Variants in SCN8A observed in about 807,000 individuals in gnomAD.
SCN8A encodes sodium voltage-gated channel alpha subunit 8.
In SCN8A, 30 loss-of-function variants were observed where a neutral mutation model predicts 184.1. The observed-to-expected ratio is 0.16, with a 90% CI of 0.12 to 0.22. The LOEUF (loss-of-function observed/expected upper bound fraction) is 0.22, where lower values mean the gene tolerates loss of function less well. Ranked by LOEUF, SCN8A falls within the 10% of genes least tolerant of loss-of-function variation. The probability of loss-of-function intolerance (pLI) is 1.00; values close to 1 mark genes in which losing one functional copy is unlikely to be tolerated. For missense variants in SCN8A, 1,057 were observed against 2,498.9 expected, an observed-to-expected ratio of 0.42 and a Z score of 12.30; for synonymous variants, 852 against 907.0, an observed-to-expected ratio of 0.94 and a Z score of 1.09.
intron 12 of SCN8A, among the ~76,000 whole-genome samples, chr12:51,725,100 G>A (rs1942135593): frequency 6.6e-6 from 1 of 152,210 alleles, no homozygotes; most frequent in Non-Finnish European, 1.5e-5. Context: ...GGTCACAGTG[G>A]CAGGAAGATG....
chr12:51,612,671 G>T (rs1939747179), intron 1 of SCN8A, among the ~76,000 whole-genome samples: 1 of 152,030 alleles, frequency 6.6e-6, no homozygotes. Context: ...TGCATTTCTG[G>T]GGTAAATGCC....
At chr12:51,743,108 C>T (rs1435459044) in intron 12 of SCN8A, among the ~76,000 whole-genome samples, 5 of 152,038 alleles carry the variant, frequency 3.3e-5, no homozygotes, top group Admixed American at 2.0e-4. Flanking sequence ...TGCTGAATTC[C>T]TTCTCTGTGT....
chr12:51,728,191 T>C (rs1333516645), intron 12 of SCN8A, among the ~76,000 whole-genome samples: 1 of 152,174 alleles, frequency 6.6e-6, no homozygotes, highest in African/African-American at 2.4e-5. Context: ...CTGGTGAATA[T>C]ATGTTTGCCC....
At chr12:51,622,342 C>A (rs553002926) in intron 1 of SCN8A, among the ~76,000 whole-genome samples, 2 of 152,304 alleles carry the variant, frequency 1.3e-5, no homozygotes, top group African/African-American at 4.8e-5. Context: ...TTGGATTTTA[C>A]CACTTTTCAC....
At chr12:51,593,964 G>A (rs1156916795) in intron 1 of SCN8A, among the ~76,000 whole-genome samples, 1 of 152,188 alleles carries the variant, frequency 6.6e-6, no homozygotes, top group Non-Finnish European at 1.5e-5. Context: ...GAAGTAATCC[G>A]ATAGCTGGCT....
At position 51,740,249 on chromosome 12, in the gene SCN8A, A is replaced by G. The variant is rs572881910; in HGVS notation, c.1999-5654A>G. Among the ~76,000 whole-genome samples the G allele has an allele frequency of 3.3e-5, 5 of 152,340 alleles. No homozygotes were observed. In the East Asian group the frequency reaches 9.7e-4, roughly 29 times the overall value. ...AGTTTTGGGGCCAGTTTATGGCCAG[A>G]TTTTGGGGGGCTTGCTCCCAACAAG... On this transcript the variant is annotated intron_variant, in intron 12 of 26. Transcript: ENST00000627620.
intron 6 of SCN8A, among the ~76,000 whole-genome samples, chr12:51,691,502 G>A (rs921482148): frequency 2.0e-5 from 3 of 151,928 alleles, no homozygotes; most frequent in African/African-American, 7.3e-5. Context: ...CCATAGTAGT[G>A]CTCCATAAAT....
At chr12:51,663,572 C>T (rs1423232060) in intron 2 of SCN8A, among the ~76,000 whole-genome samples, 1 of 152,138 alleles carries the variant, frequency 6.6e-6, no homozygotes, top group African/African-American at 2.4e-5. Flanking sequence ...CTGAGTAAAG[C>T]AAACAGCCAA....
intron 1 of SCN8A, among the ~76,000 whole-genome samples, chr12:51,651,530 GA>G (rs899945803): frequency 1.3e-5 from 2 of 152,160 alleles, no homozygotes; most frequent in Non-Finnish European, 2.9e-5. Flanking sequence ...AGCAGCAAGA[GA>G]AAATGAAAAG....
At chr12:51,651,223 T>G (rs1940707039) in intron 1 of SCN8A, among the ~76,000 whole-genome samples, 1 of 152,110 alleles carries the variant, frequency 6.6e-6, no homozygotes, top group African/African-American at 2.4e-5. Flanking sequence ...TGGCCAGTTT[T>G]GGGGCCAGTT....
intron 1 of SCN8A, among the ~76,000 whole-genome samples, chr12:51,613,677 A>G (rs1271080397): frequency 6.6e-6 from 1 of 151,686 alleles, no homozygotes; most frequent in Non-Finnish European, 1.5e-5. Context: ...GGAAACTTGG[A>G]TTGTTGATTT....
At chr12:51,730,011 G>GT (rs1942215106) in intron 12 of SCN8A, among the ~76,000 whole-genome samples, 2 of 151,080 alleles carry the variant, frequency 1.3e-5, no homozygotes, top group Non-Finnish European at 3.0e-5. Context: ...TTATTGATTT[G>GT]TTTTTTATGT....
At chr12:51,605,507 G>C (rs1939569998) in intron 1 of SCN8A, among the ~76,000 whole-genome samples, 1 of 152,168 alleles carries the variant, frequency 6.6e-6, no homozygotes, top group African/African-American at 2.4e-5. Context: ...ATGGGCATTT[G>C]GGTTAGTTCC....
intron 12 of SCN8A, among the ~76,000 whole-genome samples, chr12:51,729,701 G>A (rs985388965): frequency 2.6e-5 from 4 of 152,096 alleles, no homozygotes; most frequent in Admixed American, 1.3e-4. Flanking sequence ...AAATTCCTGG[G>A]TCATATGGTA....
intron 1 of SCN8A, among the ~76,000 whole-genome samples, chr12:51,653,424 C>T (rs1351412668): frequency 1.3e-5 from 2 of 152,138 alleles, no homozygotes; most frequent in Non-Finnish European, 2.9e-5. Context: ...TGGAATCATA[C>T]AATATTTGTC....
At chr12:51,591,915 A>C (rs1482153439) in intron 1 of SCN8A, among the ~76,000 whole-genome samples, 1 of 150,958 alleles carries the variant, frequency 6.6e-6, no homozygotes, top group Non-Finnish European at 1.5e-5. Context: ...TCTGTCCTTT[A>C]CTCGGATGCG....
chr12:51,658,576 T>G (rs1023838802), intron 1 of SCN8A, among the ~76,000 whole-genome samples: 1 of 152,108 alleles, frequency 6.6e-6, no homozygotes, highest in African/African-American at 2.4e-5. Flanking sequence ...GGCTCACATA[T>G]TGTGTGAGTC....
At chr12:51,598,948 T>A (rs1168530680) in intron 1 of SCN8A, among the ~76,000 whole-genome samples, 1 of 152,190 alleles carries the variant, frequency 6.6e-6, no homozygotes, top group African/African-American at 2.4e-5. Context: ...CTTAGTAAAA[T>A]TTATATTCTA....
intron 19 of SCN8A, 124 bp from the exon 20 acceptor site, chr12:51,774,065 G>A: frequency 3.0e-6 from 2 of 662,150 alleles, no homozygotes; most frequent in South Asian, 2.6e-5. Flanking sequence ...GGGGAGTAAA[G>A]CGAAGGAGAC....
Sources: allele counts gnomAD v4.1 joint callset (sites outside exome capture counted in the v4.1 genomes callset), GRCh38; gene constraint gnomAD v4.1.1; transcripts MANE v1.5; gene names NCBI Gene and HGNC (gene_info 2026-07-23, HGNC 2026-07-21).